SGCZ: variants seen among roughly 807,000 people sequenced by gnomAD.
SGCZ encodes the protein zeta-sarcoglycan.
In SGCZ, 40 loss-of-function variants were observed where a neutral mutation model predicts 41.3. The ratio of observed to expected loss-of-function variants is 0.97; its 90% CI spans 0.75 to 1.26. The LOEUF (loss-of-function observed/expected upper bound fraction) is 1.26. Ranked by LOEUF, SGCZ falls within the 50% of genes most tolerant of loss-of-function variation. The pLI is 0.00. For synonymous variants in SGCZ, 206 were observed against 137.5 expected, an observed-to-expected ratio of 1.50 and a Z score of -3.49; for missense variants, 552 against 369.8, an observed-to-expected ratio of 1.49 and a Z score of -4.04.
intron 1 of SGCZ, among the ~76,000 whole-genome samples, chr8:15,185,014 C>A (rs926139227): frequency 2.6e-5 from 4 of 152,128 alleles, no homozygotes; most frequent in African/African-American, 9.7e-5. Flanking sequence ...TCTTCATCTC[C>A]CAGGTTGCTT....
In SGCZ at chr8:14,090,500, A is replaced by G; in HGVS notation, c.882T>C (p.Ser294=). ...GACAAGTGGAACCTACTCCTGCTGG[A>G]GAAAGGTAAAGTTTGCCATTGGGGC... ...CVCPNGKLYL[S]PAGVGSTCQS... is the part of the protein sequence containing the mutation. Residue 294 remains serine (S), a synonymous_variant, in exon 8 of 8, where the codon TCT becomes TCC. Coordinates refer to ENST00000382080, the MANE Select transcript of SGCZ (RefSeq NM_139167.4). 2 of 1,613,060 alleles carry G rather than the reference A, an allele frequency of 1.2e-6. No individual in the cohort carries two copies. The highest frequency in any genetic ancestry group is 1.7e-6 in the Non-Finnish European group (2 of 1,179,376).
intron 3 of SGCZ, among the ~76,000 whole-genome samples, chr8:14,300,259 GA>G (rs1239073152): frequency 1.3e-5 from 2 of 150,818 alleles, no homozygotes; most frequent in African/African-American, 4.9e-5. Flanking sequence ...AGGAAGGAAG[GA>G]AAAAAGAAGG....
At chr8:14,131,495 T>C (rs1803039844) in intron 5 of SGCZ, among the ~76,000 whole-genome samples, 1 of 152,194 alleles carries the variant, frequency 6.6e-6, no homozygotes, top group Admixed American at 6.5e-5. Context: ...TGATGACAAA[T>C]TATTGATCTT....
chr8:14,477,661 A>C (rs2116995160), intron 2 of SGCZ, among the ~76,000 whole-genome samples: 1 of 152,282 alleles, frequency 6.6e-6, no homozygotes, highest in South Asian at 2.1e-4. Flanking sequence ...TGAAAACGTT[A>C]GGTCTAACTT....
In SGCZ at chr8:14,264,932, C is replaced by A. The variant is rs934865037; in HGVS notation, c.337-27253G>T. Reference sequence around the variant, plus strand: ...GAGCCGAGATGGCGCCACTGCACTCCGGCCTGGGTGACAGAGCGAGACTCT... The same window carrying A: ...GAGCCGAGATGGCGCCACTGCACTCAGGCCTGGGTGACAGAGCGAGACTCT... On this transcript the variant is annotated intron_variant, in intron 3 of 7. Transcript: ENST00000382080. 1.1e-4 allele frequency among the ~76,000 whole-genome samples: 16 copies of A among 152,114 alleles called. 3 individuals are homozygous for A. Among genetic ancestry groups the A allele is most frequent in the Admixed American group, 9.8e-4 (15 of 15,280 alleles).
At chr8:14,288,090 T>G (rs1249659565) in intron 3 of SGCZ, among the ~76,000 whole-genome samples, 1 of 152,142 alleles carries the variant, frequency 6.6e-6, no homozygotes, top group East Asian at 1.9e-4. Context: ...AGCTGTTGAC[T>G]TTTGACCCAT....
rs1178056820 is a variant in SGCZ at position 15,083,263 on chromosome 8, A to T, written c.39+154322T>A. ...TCTATTAATTTCCCATGTTTTTAAT[A>T]AAAGTTAAAACAAATTATAAACCTT... On this transcript the variant is annotated intron_variant, in intron 1 of 7. Transcript: ENST00000382080. Among the ~76,000 whole-genome samples the T allele has an allele frequency of 3.6e-4, 55 of 152,218 alleles. 1 individual carries two copies. The highest frequency in any genetic ancestry group is 3.4e-3 in the Admixed American group (52 of 15,284).
At chr8:14,568,910 C>T (rs1385399096) in intron 1 of SGCZ, among the ~76,000 whole-genome samples, 4 of 152,098 alleles carry the variant, frequency 2.6e-5, no homozygotes, top group Non-Finnish European at 4.4e-5. Context: ...GAAACATATT[C>T]AGGGGCATGG....
chr8:14,697,936 C>G (rs530440144), intron 1 of SGCZ, among the ~76,000 whole-genome samples: 80 of 152,098 alleles, frequency 5.3e-4, no homozygotes, highest in African/African-American at 1.8e-3. Context: ...AATCCCACAG[C>G]TAGACATTTC....
chr8:15,075,304 T>G (rs541503945), intron 1 of SGCZ, among the ~76,000 whole-genome samples: 1 of 152,278 alleles, frequency 6.6e-6, no homozygotes, highest in African/African-American at 2.4e-5. Context: ...AGATTTAGAG[T>G]GAATCTAAAT....
intron 1 of SGCZ, among the ~76,000 whole-genome samples, chr8:14,573,683 G>A (rs1307952982): frequency 6.6e-6 from 1 of 152,046 alleles, no homozygotes; most frequent in African/African-American, 2.4e-5. Flanking sequence ...TCCAGCATCA[G>A]TGTAAAAAAT....
At chr8:14,917,218 C>A (rs1185938863) in intron 1 of SGCZ, among the ~76,000 whole-genome samples, 2 of 152,034 alleles carry the variant, frequency 1.3e-5, no homozygotes, top group African/African-American at 2.4e-5. Flanking sequence ...CAATCTGATT[C>A]TTATAATTAA....
intron 2 of SGCZ, among the ~76,000 whole-genome samples, chr8:14,550,057 T>C (rs898954124): frequency 6.6e-6 from 1 of 152,016 alleles, no homozygotes; most frequent in Non-Finnish European, 1.5e-5. Flanking sequence ...GAGAAACTCT[T>C]GTACTTGTGC....
intron 1 of SGCZ, among the ~76,000 whole-genome samples, chr8:15,235,829 A>T (rs1465370625): frequency 6.6e-6 from 1 of 152,138 alleles, no homozygotes; most frequent in Non-Finnish European, 1.5e-5. Flanking sequence ...AATAATCTGG[A>T]TACTCCACCT....
At chr8:14,862,620 A>G (rs1011758322) in intron 1 of SGCZ, among the ~76,000 whole-genome samples, 39 of 145,438 alleles carry the variant, frequency 2.7e-4, no homozygotes, top group Admixed American at 2.8e-4. Context: ...ATATATATAT[A>G]TGTGTTGCAA....
At chr8:14,940,744 T>C (rs1474939392) in intron 1 of SGCZ, among the ~76,000 whole-genome samples, 1 of 151,866 alleles carries the variant, frequency 6.6e-6, no homozygotes, top group African/African-American at 2.4e-5. Flanking sequence ...ATGAATGAAG[T>C]GTGTATGTGT....
intron 1 of SGCZ, among the ~76,000 whole-genome samples, chr8:14,762,082 G>C (rs990006388): frequency 6.6e-6 from 1 of 152,166 alleles, no homozygotes; most frequent in Non-Finnish European, 1.5e-5. Flanking sequence ...CATTGACATG[G>C]AACTCTGAAA....
intron 1 of SGCZ, among the ~76,000 whole-genome samples, chr8:14,744,343 G>T (rs1314895085): frequency 6.6e-6 from 1 of 152,064 alleles, no homozygotes; most frequent in Non-Finnish European, 1.5e-5. Flanking sequence ...TGGGCCAACA[G>T]GTCTATAGGC....
intron 1 of SGCZ, among the ~76,000 whole-genome samples, chr8:14,655,141 A>G (rs1008385275): frequency 6.6e-6 from 1 of 152,094 alleles, no homozygotes; most frequent in Non-Finnish European, 1.5e-5. Context: ...ATGAATACCT[A>G]CTATATATTC....
Sources: gnomAD v4.1 joint callset for allele counts (sites outside exome capture counted in the v4.1 genomes callset) on GRCh38, gnomAD v4.1.1 for gene constraint, MANE v1.5 for transcripts, NCBI Gene and HGNC (gene_info 2026-07-23, HGNC 2026-07-21) for gene names.